The following GRAMD1B variants were observed in gnomAD, a reference collection of about 807,000 sequenced individuals.
GRAMD1B encodes the protein protein Aster-B.
GRAMD1B carries 37 observed loss-of-function variants against 99.7 expected under a neutral mutation model. The observed-to-expected ratio is 0.37, with a 90% CI of 0.29 to 0.49. GRAMD1B has a LOEUF of 0.49. GRAMD1B is among the 20% of genes least tolerant of loss of function. GRAMD1B has a pLI of 0.98. For synonymous variants in GRAMD1B, 427 were observed against 387.6 expected (o/e 1.10, Z -1.19); for missense variants, 888 against 1,009.2 (o/e 0.88, Z 1.63).
At chr11:123,598,103 A>T in intron 7 of GRAMD1B, 2 of 1,587,278 alleles carry the variant, frequency 1.3e-6, no homozygotes, top group Non-Finnish European at 1.7e-6. Context: ...AATCTGTGTC[A>T]CATTAGCAAA....
chr11:123,471,574 A>C (rs1006647154), intron 1 of GRAMD1B, among the ~76,000 whole-genome samples: 7 of 152,212 alleles, frequency 4.6e-5, no homozygotes, highest in Non-Finnish European at 1.0e-4. Context: ...TTCAAGAAGG[A>C]GAATAGTCAT....
chr11:123,583,250 T>C (rs1350870955), intron 3 of GRAMD1B, among the ~76,000 whole-genome samples: 1 of 150,812 alleles, frequency 6.6e-6, no homozygotes. Context: ...TCTGTGTGAA[T>C]GTGTGTGCAC....
intron 2 of GRAMD1B, among the ~76,000 whole-genome samples, chr11:123,526,632 A>AGGGCGGGCAGTCCCTAGGGGCATCCCTC (rs1942793908): frequency 6.6e-6 from 1 of 152,108 alleles, no homozygotes; most frequent in African/African-American, 2.4e-5. Flanking sequence ...TCAGCTGCTT[A>AGGGCGGGCAGTCCCTAGGGGCATCCCTC]GGGCGGGCAG....
chr11:123,474,262 A>AT (rs113287664), intron 1 of GRAMD1B, among the ~76,000 whole-genome samples: 7 of 151,830 alleles, frequency 4.6e-5, no homozygotes, highest in South Asian at 4.2e-4. Context: ...TTAACTTTTA[A>AT]TTTTTTTTAA....
chr11:123,467,975 T>G (rs1950787370), intron 1 of GRAMD1B, among the ~76,000 whole-genome samples: 1 of 152,068 alleles, frequency 6.6e-6, no homozygotes, highest in Non-Finnish European at 1.5e-5. Context: ...GCGATTCTCC[T>G]GCCTCAGCCT....
intron 1 of GRAMD1B, among the ~76,000 whole-genome samples, chr11:123,403,480 TAATAATA>T (rs1947744198): frequency 6.8e-6 from 1 of 147,670 alleles, no homozygotes. Context: ...ATAATAATAA[TAATAATA>T]ATAATTTCGT....
chr11:123,363,128 C>T (rs1946201777), intron 1 of GRAMD1B, among the ~76,000 whole-genome samples: 1 of 152,134 alleles, frequency 6.6e-6, no homozygotes, highest in East Asian at 1.9e-4. Flanking sequence ...TCCCCGTTTT[C>T]CTCTGGCAGA....
At chr11:123,460,256 A>G (rs1409737938) in intron 1 of GRAMD1B, 1 of 152,240 alleles carries the variant, frequency 6.6e-6, no homozygotes, top group Non-Finnish European at 1.5e-5. Context: ...CAGAGAAGAC[A>G]TGGAGTTTAA....
intron 2 of GRAMD1B, among the ~76,000 whole-genome samples, chr11:123,527,658 A>C (rs886688705): frequency 2.6e-5 from 4 of 152,134 alleles, no homozygotes; most frequent in Non-Finnish European, 4.4e-5. Flanking sequence ...CTTATTCCTC[A>C]GTAGAGCCAT....
chr11:123,514,372 C>G (rs1355905379), intron 2 of GRAMD1B, among the ~76,000 whole-genome samples: 4 of 152,196 alleles, frequency 2.6e-5, no homozygotes, highest in Non-Finnish European at 5.9e-5. Flanking sequence ...GCTCTGTGAA[C>G]TTGAGTGGGT....
At chr11:123,415,941 G>T (rs956446672) in intron 1 of GRAMD1B, among the ~76,000 whole-genome samples, 11 of 152,174 alleles carry the variant, frequency 7.2e-5, no homozygotes, top group African/African-American at 2.7e-4. Flanking sequence ...TCAGCCAACA[G>T]TTAAATTGGT....
intron 7 of GRAMD1B, chr11:123,599,051 C>T (rs1187892773): frequency 7.4e-6 from 8 of 1,074,176 alleles, no homozygotes; most frequent in Non-Finnish European, 1.2e-5. Context: ...GACCATATCC[C>T]TCTTCATCTG....
chr11:123,456,327 G>T (rs1053291475), intron 1 of GRAMD1B, among the ~76,000 whole-genome samples: 1 of 152,174 alleles, frequency 6.6e-6, no homozygotes, highest in Admixed American at 6.6e-5. Flanking sequence ...CCAGGAGTTT[G>T]ACATTCTTGT....
chr11:123,613,478 A>T lies in GRAMD1B; in HGVS notation c.2047A>T (p.Ser683Cys). 1 of 1,612,082 alleles carries T rather than the reference A, an allele frequency of 6.2e-7. No homozygotes were observed. The highest frequency in any genetic ancestry group is 8.5e-7 in the Non-Finnish European group (1 of 1,179,098). The change falls in exon 16 of 20, where the codon AGC (serine) becomes TGC (cysteine). Residue 683 changes from serine to cysteine, a missense_variant. Ser to Cys is a moderately radical substitution (Grantham distance 112). Transcript: ENST00000635736. ...HLESELAKTE[S>C]TYLAEMHRQS... Reference sequence around the variant, plus strand: ...AGAGAGCGAGCTGGCCAAAACGGAGAGCACTTATTTGGCTGAGATGCACAG... The same window carrying T: ...AGAGAGCGAGCTGGCCAAAACGGAGTGCACTTATTTGGCTGAGATGCACAG...
chr11:123,362,780 G>A (rs1001379818), intron 1 of GRAMD1B, among the ~76,000 whole-genome samples: 6 of 152,146 alleles, frequency 3.9e-5, no homozygotes, highest in African/African-American at 1.4e-4. Context: ...TAGGGGGAGA[G>A]GCAGGGATGG....
Position 123,610,285 on chromosome 11 carries a change from C to T in GRAMD1B, c.1866C>T (p.Tyr622=), listed in dbSNP as rs1298736903. ...ACGTGCCCTACCATGACTACTTCTA[C>T]ACAATCAATCGCTACACGCTCACCC... The part of the protein sequence containing the change: ...THDVPYHDYF[Y]TINRYTLTRV... The change falls in exon 14 of 20, where the codon TAC becomes TAT. Residue 622 remains tyrosine, a synonymous_variant. Transcript: ENST00000635736. This position sits in a 1 kb window ranked among gnomAD's most constrained non-coding sequence, Gnocchi z 4.1. 6.2e-7 allele frequency: 1 copy of T among 1,613,876 alleles called. No individual in the cohort carries two copies. The highest frequency in any genetic ancestry group is 8.5e-7 in the Non-Finnish European group (1 of 1,179,782).
At chr11:123,560,154 T>TTATGTAA (rs1287615782) in intron 2 of GRAMD1B, 6 of 980,474 alleles carry the variant, frequency 6.1e-6, no homozygotes, top group Non-Finnish European at 7.3e-6. Flanking sequence ...AAGAGTTGCA[T>TTATGTAA]TATGTAAACC....
chr11:123,448,416 C>T (rs544916337), intron 1 of GRAMD1B, among the ~76,000 whole-genome samples: 173 of 152,012 alleles, frequency 1.1e-3, no homozygotes, highest in Non-Finnish European at 1.5e-3. Context: ...GACGGGGTTT[C>T]GCCATATTGG....
At chr11:123,373,432 CTG>C (rs1233861270) in intron 1 of GRAMD1B, among the ~76,000 whole-genome samples, 2 of 152,180 alleles carry the variant, frequency 1.3e-5, no homozygotes, top group South Asian at 2.1e-4. Context: ...TATTAGAACT[CTG>C]GCGTTCCCTT....
Sources: allele counts gnomAD v4.1 joint callset (sites outside exome capture counted in the v4.1 genomes callset), GRCh38; gene constraint gnomAD v4.1.1; non-coding constraint Gnocchi (gnomAD v3.1); transcripts MANE v1.5; gene names NCBI Gene and HGNC (gene_info 2026-07-23, HGNC 2026-07-21).